Variants in DOK6 observed in about 807,000 individuals in gnomAD.
The protein encoded by DOK6 is docking protein 6, also known as downstream of tyrosine kinase 6.
DOK6 carries 22 observed loss-of-function variants against 44.0 expected under a neutral mutation model. That is an observed-to-expected ratio of 0.50 (90% CI 0.36 to 0.71). The LOEUF is 0.71. Among genes scored for constraint, DOK6 ranks in the 30% least tolerant of loss-of-function variants. The probability of loss-of-function intolerance (pLI) is 0.00; values close to 1 mark genes in which losing one functional copy is unlikely to be tolerated. For missense variants in DOK6, 340 were observed against 416.4 expected, an observed-to-expected ratio of 0.82 and a Z score of 1.60; for synonymous variants, 166 against 145.5, an observed-to-expected ratio of 1.14 and a Z score of -1.01.
intron 7 of DOK6, among the ~76,000 whole-genome samples, chr18:69,828,043 T>C (rs1307477023): frequency 1.3e-5 from 2 of 151,916 alleles, no homozygotes; most frequent in Admixed American, 6.5e-5. Context: ...GATCTCTATC[T>C]AAACCGGGAA....
intron 7 of DOK6, among the ~76,000 whole-genome samples, chr18:69,821,479 T>C (rs1981567492): frequency 6.6e-6 from 1 of 152,188 alleles, no homozygotes; most frequent in Non-Finnish European, 1.5e-5. Flanking sequence ...CCATCACAGT[T>C]TATAGGATAT....
At chr18:69,838,579 G>C (rs1313745606) in intron 7 of DOK6, among the ~76,000 whole-genome samples, 1 of 152,068 alleles carries the variant, frequency 6.6e-6, no homozygotes, top group Non-Finnish European at 1.5e-5. Context: ...TACTCAAAAG[G>C]ATCATATAAG....
At chr18:69,778,302 C>T (rs570773148) in intron 7 of DOK6, among the ~76,000 whole-genome samples, 5 of 151,896 alleles carry the variant, frequency 3.3e-5, no homozygotes, top group South Asian at 2.1e-4. Context: ...AAGCAGATGC[C>T]GAGATGGGTT....
intron 1 of DOK6, among the ~76,000 whole-genome samples, chr18:69,485,467 C>T (rs763847335): frequency 5.1e-4 from 77 of 152,190 alleles, no homozygotes; most frequent in East Asian, 5.8e-4. Flanking sequence ...CACTCTGTCC[C>T]GTGGATGCAG....
At chr18:69,760,623 C>G (rs1979521295) in intron 7 of DOK6, among the ~76,000 whole-genome samples, 1 of 151,978 alleles carries the variant, frequency 6.6e-6, no homozygotes, top group Non-Finnish European at 1.5e-5. Context: ...TGGCTTACTT[C>G]CGGGATCTTG....
At chr18:69,447,408 G>A (rs918244706) in intron 1 of DOK6, among the ~76,000 whole-genome samples, 1 of 152,042 alleles carries the variant, frequency 6.6e-6, no homozygotes. Context: ...TGTTCCATTG[G>A]TCTATATCTC....
intron 7 of DOK6, among the ~76,000 whole-genome samples, chr18:69,809,543 A>G (rs1375516727): frequency 7.0e-6 from 1 of 143,648 alleles, no homozygotes; most frequent in Non-Finnish European, 1.5e-5. Flanking sequence ...TATATAGAAA[A>G]CCCTAAGACT....
At chr18:69,787,824 A>G (rs949332993) in intron 7 of DOK6, among the ~76,000 whole-genome samples, 1 of 152,226 alleles carries the variant, frequency 6.6e-6, no homozygotes, top group Non-Finnish European at 1.5e-5. Context: ...AAGACAAACT[A>G]TCTTTATTGT....
chr18:69,621,410 T>G (rs7235223), intron 3 of DOK6, among the ~76,000 whole-genome samples: 141,647 of 152,096 alleles, frequency 0.93, 66,355 homozygotes, highest in East Asian at 0.99. Context: ...TCTCATTACT[T>G]GTATCATGTA....
intron 3 of DOK6, among the ~76,000 whole-genome samples, chr18:69,671,422 C>CT (rs564526448): frequency 5.4e-4 from 82 of 152,266 alleles, no homozygotes; most frequent in African/African-American, 1.9e-3. Flanking sequence ...TCTAAGTTGA[C>CT]TTTTTCTAAG....
At chr18:69,466,642 A>T (rs1263391764) in intron 1 of DOK6, among the ~76,000 whole-genome samples, 2 of 151,988 alleles carry the variant, frequency 1.3e-5, no homozygotes, top group Non-Finnish European at 2.9e-5. Flanking sequence ...TCTTTGAAAA[A>T]TTTTTCAAAA....
intron 7 of DOK6, among the ~76,000 whole-genome samples, chr18:69,781,667 T>C (rs894964317): frequency 7.2e-5 from 11 of 152,216 alleles, no homozygotes; most frequent in African/African-American, 2.4e-4. Flanking sequence ...AATAGTGTTA[T>C]GCAGGATTAT....
chr18:69,774,133 G>GATAGATATATATATATATAT (rs1555670145), intron 7 of DOK6, among the ~76,000 whole-genome samples: 4 of 66,866 alleles, frequency 6.0e-5, no homozygotes, highest in African/African-American at 1.2e-4. Flanking sequence ...ATATATATGA[G>GATAGATATATATATATATAT]ATATATATAT....
intron 1 of DOK6, among the ~76,000 whole-genome samples, chr18:69,500,042 C>G (rs1454697883): frequency 6.6e-6 from 1 of 152,084 alleles, no homozygotes; most frequent in Non-Finnish European, 1.5e-5. Flanking sequence ...TCCTGGCTTC[C>G]CTTTACATCA....
chr18:69,503,501 T>C (rs963310328), intron 1 of DOK6, among the ~76,000 whole-genome samples: 1 of 152,112 alleles, frequency 6.6e-6, no homozygotes, highest in Non-Finnish European at 1.5e-5. Flanking sequence ...ATTCTTCTAT[T>C]TTGGTAAATA....
chr18:69,846,163 AT>A lies in DOK6; in HGVS notation c.*4781del, dbSNP rs1982340768. On this transcript the variant is annotated 3_prime_UTR_variant, in exon 8 of 8. Coordinates refer to ENST00000382713, the MANE Select transcript of DOK6 (RefSeq NM_152721.6). ...GGCACTAGACAGTTTATAGACTCTT[AT>A]GGAAGTTGGGCACATTTCCCAGGCA... 1 of 152,232 alleles carries A rather than the reference AT, an allele frequency of 6.6e-6. No homozygotes were observed. The highest frequency in any genetic ancestry group is 1.5e-5 in the Non-Finnish European group (1 of 68,056). The allele number at this position is 152,232 out of a possible 1,614,324, so 9.4% of individuals were successfully genotyped here. A position where few individuals can be genotyped will look rare whatever the true frequency, so the allele number is the denominator to read the frequency against.
chr18:69,655,433 A>G (rs1415570245), intron 3 of DOK6, among the ~76,000 whole-genome samples: 2 of 152,182 alleles, frequency 1.3e-5, no homozygotes, highest in Non-Finnish European at 2.9e-5. Flanking sequence ...AGTGCTTAGA[A>G]GATGAATCTG....
intron 7 of DOK6, among the ~76,000 whole-genome samples, chr18:69,781,046 C>A (rs927136671): frequency 6.6e-6 from 1 of 152,168 alleles, no homozygotes; most frequent in Non-Finnish European, 1.5e-5. Context: ...TGTGTCTTTG[C>A]AATCCCCACA....
chr18:69,547,912 G>T (rs1463606253), intron 1 of DOK6, among the ~76,000 whole-genome samples: 1 of 145,042 alleles, frequency 6.9e-6, no homozygotes, highest in Non-Finnish European at 1.5e-5. Flanking sequence ...ATATTCCATT[G>T]TATCTATATA....
Sources: allele counts gnomAD v4.1 joint callset (sites outside exome capture counted in the v4.1 genomes callset), GRCh38; gene constraint gnomAD v4.1.1; transcripts MANE v1.5; gene names NCBI Gene and HGNC (gene_info 2026-07-23, HGNC 2026-07-21).